Variants in CD44 observed in about 807,000 individuals in gnomAD.
CD44 encodes CD44 antigen.
In CD44, 49 loss-of-function variants were observed where a neutral mutation model predicts 88.8. The ratio of observed to expected loss-of-function variants is 0.55; its 90% CI spans 0.44 to 0.70. The LOEUF (loss-of-function observed/expected upper bound fraction) is 0.70. CD44 is among the 30% of genes least tolerant of loss of function. CD44 has a pLI of 0.00. For synonymous variants in CD44, 325 were observed against 312.3 expected (o/e 1.04, Z -0.43); for missense variants, 883 against 913.8 (o/e 0.97, Z 0.43).
intron 2 of CD44, among the ~76,000 whole-genome samples, chr11:35,178,929 CAG>C (rs1474036041): frequency 6.6e-6 from 1 of 152,202 alleles, no homozygotes; most frequent in African/African-American, 2.4e-5. Flanking sequence ...GGACAGATGG[CAG>C]AGTCTCATGG....
intron 16 of CD44, among the ~76,000 whole-genome samples, chr11:35,220,827 C>CACGACCTCGGCCCACT (rs1949239353): frequency 7.5e-6 from 1 of 133,754 alleles, no homozygotes; most frequent in Non-Finnish European, 1.5e-5. Context: ...AGTGCAGTGG[C>CACGACCTCGGCCCACT]GCGACCTCGG....
chr11:35,142,125 G>A (rs1858099372), intron 1 of CD44, among the ~76,000 whole-genome samples: 1 of 152,118 alleles, frequency 6.6e-6, no homozygotes, highest in Non-Finnish European at 1.5e-5. Flanking sequence ...GTGGAGGCCA[G>A]GGGGGATGAG....
chr11:35,180,775 G>A (rs930194927), intron 3 of CD44, among the ~76,000 whole-genome samples: 1 of 152,152 alleles, frequency 6.6e-6, no homozygotes, highest in African/African-American at 2.4e-5. Flanking sequence ...AAGTTTACGG[G>A]TTTGTGTTGG....
intron 3 of CD44, 81 bp downstream of exon 3, chr11:35,180,488 T>C (rs1195554618): frequency 6.9e-6 from 10 of 1,459,428 alleles, no homozygotes; most frequent in East Asian, 2.3e-5. Flanking sequence ...TGGGGATTCA[T>C]GTAGCCTCCA....
At chr11:35,227,994 T>C (rs1467239480) in intron 17 of CD44, among the ~76,000 whole-genome samples, 13 of 152,198 alleles carry the variant, frequency 8.5e-5, no homozygotes, top group South Asian at 2.1e-4. Context: ...TTACAGAAAA[T>C]TACATGTAAA....
intron 1 of CD44, among the ~76,000 whole-genome samples, chr11:35,148,746 T>C (rs937104947): frequency 2.0e-5 from 3 of 152,234 alleles, no homozygotes; most frequent in South Asian, 2.1e-4. Flanking sequence ...TCCCCAATTA[T>C]AGTGGGTGCT....
chr11:35,151,157 T>A (rs988625759), intron 1 of CD44, among the ~76,000 whole-genome samples: 2 of 151,934 alleles, frequency 1.3e-5, no homozygotes, highest in Admixed American at 6.6e-5. Flanking sequence ...AGGCAAAACA[T>A]GAGCCAGGTG....
intron 17 of CD44, among the ~76,000 whole-genome samples, chr11:35,227,789 A>G (rs1949806443): frequency 1.3e-5 from 2 of 152,196 alleles, no homozygotes; most frequent in African/African-American, 4.8e-5. Flanking sequence ...ACTGTTTCCA[A>G]ATCTCCAGAG....
intron 4 of CD44, 27 bp from the exon 5 acceptor site, chr11:35,189,808 T>C: frequency 6.8e-7 from 1 of 1,479,456 alleles, no homozygotes; most frequent in Non-Finnish European, 9.4e-7. Context: ...GCTGTGAAGT[T>C]CTGTAAGTAC....
At chr11:35,152,020 C>T (rs567909526) in intron 1 of CD44, among the ~76,000 whole-genome samples, 63 of 152,296 alleles carry the variant, frequency 4.1e-4, no homozygotes, top group African/African-American at 1.3e-3. Context: ...CCCGTGGTGG[C>T]GACAGGAGGA....
intron 8 of CD44, 143 bp downstream of exon 8, chr11:35,201,338 A>C (rs1947300270): frequency 3.0e-6 from 2 of 674,258 alleles, no homozygotes; most frequent in African/African-American, 1.8e-5. Flanking sequence ...AGGATACTTA[A>C]TTCCATTTAG....
chr11:35,208,347 T>C (rs547876988), intron 12 of CD44, 141 bp downstream of exon 12: 16 of 638,944 alleles, frequency 2.5e-5, no homozygotes, highest in Non-Finnish European at 4.0e-5. Context: ...ACTGTCTTCA[T>C]TGTCTGTATT....
chr11:35,228,787 A>T (rs1056342568), intron 17 of CD44, among the ~76,000 whole-genome samples: 2 of 152,162 alleles, frequency 1.3e-5, no homozygotes, highest in African/African-American at 4.8e-5. Flanking sequence ...TGCAAATTTG[A>T]CTGTGCAGAG....
At chr11:35,206,907 G>A (rs1041416763) in intron 11 of CD44, among the ~76,000 whole-genome samples, 1 of 152,216 alleles carries the variant, frequency 6.6e-6, no homozygotes, top group African/African-American at 2.4e-5. Flanking sequence ...ACCAAGCCAG[G>A]CAAAGATCTT....
chr11:35,214,177 T>C (rs1039859382), intron 14 of CD44, among the ~76,000 whole-genome samples: 2 of 152,208 alleles, frequency 1.3e-5, no homozygotes, highest in African/African-American at 4.8e-5. Context: ...ACTAGTCATG[T>C]TGAAACTACA....
intron 12 of CD44, among the ~76,000 whole-genome samples, chr11:35,208,683 A>G (rs1565136236): frequency 6.6e-6 from 1 of 152,168 alleles, no homozygotes; most frequent in Non-Finnish European, 1.5e-5. Flanking sequence ...TGTTATTGAC[A>G]ATCAACAAAG....
At position 35,139,280 on chromosome 11, in the gene CD44, C is replaced by A; in HGVS notation, c.-24C>A. 1 of 1,550,858 alleles carries A rather than the reference C, an allele frequency of 6.4e-7. No individual in the cohort carries two copies. Among genetic ancestry groups the A allele is most frequent in the Non-Finnish European group, 8.7e-7 (1 of 1,145,258 alleles). Reference sequence around the variant, plus strand: ...GGGATCCTCCAGCTCCTTTCGCCCGCGCCCTCCGTTCGCTCCGGACACCAT... The same window carrying A: ...GGGATCCTCCAGCTCCTTTCGCCCGAGCCCTCCGTTCGCTCCGGACACCAT... On this transcript the variant is annotated 5_prime_UTR_variant, in exon 1 of 18. Coordinates refer to ENST00000428726, the MANE Select transcript of CD44 (RefSeq NM_000610.4).
intron 17 of CD44, among the ~76,000 whole-genome samples, chr11:35,228,535 TAAA>T (rs1398817934): frequency 6.6e-6 from 1 of 152,150 alleles, no homozygotes; most frequent in African/African-American, 2.4e-5. Flanking sequence ...CTAAAATGCT[TAAA>T]AGAGGCAAAC....
chr11:35,143,241 C>T (rs370467578), intron 1 of CD44, among the ~76,000 whole-genome samples: 2 of 151,804 alleles, frequency 1.3e-5, no homozygotes, highest in Non-Finnish European at 2.9e-5. Context: ...CCTGGAACAT[C>T]GCTAGATGGT....
Sources: gnomAD v4.1 joint callset for allele counts (sites outside exome capture counted in the v4.1 genomes callset) on GRCh38, gnomAD v4.1.1 for gene constraint, MANE v1.5 for transcripts, NCBI Gene and HGNC (gene_info 2026-07-23, HGNC 2026-07-21) for gene names.